Variants in DYNC2H1 observed in about 807,000 individuals in gnomAD.
DYNC2H1 encodes the protein dynein cytoplasmic 2 heavy chain 1.
In DYNC2H1, 410 loss-of-function variants were observed where a neutral mutation model predicts 570.0. The ratio of observed to expected loss-of-function variants is 0.72; its 90% CI spans 0.66 to 0.78. The LOEUF is 0.78. DYNC2H1 is among the 30% of genes least tolerant of loss of function. DYNC2H1 has a pLI of 0.00. For missense variants in DYNC2H1, 4,865 were observed against 5,046.4 expected, an observed-to-expected ratio of 0.96 and a Z score of 1.09; for synonymous variants, 1,688 against 1,677.6, an observed-to-expected ratio of 1.01 and a Z score of -0.15.
chr11:103,426,257 T>C (rs2075686175), intron 84 of DYNC2H1, among the ~76,000 whole-genome samples: 1 of 152,214 alleles, frequency 6.6e-6, no homozygotes, highest in Admixed American at 6.5e-5. Flanking sequence ...TGTCAGTAAA[T>C]ATGTGGGTAA....
Position 103,321,227 on chromosome 11 carries a change from G to T in DYNC2H1, c.11924G>T (p.Cys3975Phe). 6.2e-7 allele frequency: 1 copy of T among 1,606,080 alleles called. No individual in the cohort carries two copies. The highest frequency in any genetic ancestry group is 1.1e-5 in the South Asian group (1 of 89,774). Residue 3975 changes from cysteine to phenylalanine, a missense_variant, in exon 81 of 89, where the codon TGC (cysteine) becomes TTC (phenylalanine). Transcript: ENST00000375735. ...TATTCCGTATCTCTACCACAATCCT[G>T]CAGCATTTTGGTAGGTAAAATGAAT... is the stretch of plus-strand genomic sequence containing the variant. Reference protein sequence around the residue: ...FPYSVSLPQSCSILDYRAVIE... With the variant: ...FPYSVSLPQSFSILDYRAVIE...
chr11:103,263,823 C>T (rs1865407062), intron 70 of DYNC2H1, among the ~76,000 whole-genome samples: 1 of 151,976 alleles, frequency 6.6e-6, no homozygotes, highest in Non-Finnish European at 1.5e-5. Flanking sequence ...AGAGCAAACA[C>T]ATTCAAAAGC....
intron 70 of DYNC2H1, among the ~76,000 whole-genome samples, chr11:103,278,573 C>CT (rs566518354): frequency 3.3e-5 from 5 of 151,678 alleles, no homozygotes; most frequent in African/African-American, 7.2e-5. Context: ...GTTCTTTTTT[C>CT]TTTTTTTTGA....
Position 103,399,671 on chromosome 11 carries a change from C to T in DYNC2H1, c.12165C>T (p.Asn4055=), listed in dbSNP as rs1331490098. 6.2e-7 allele frequency: 1 copy of T among 1,610,478 alleles called. No homozygotes were observed. Among genetic ancestry groups the T allele is most frequent in the East Asian group, 2.2e-5 (1 of 44,786 alleles). ...NLWKKLNQNS[N]LIHQKVPPPN... Reference sequence around the variant, plus strand: ...TGACATTTTTCTTTTAGAATTCAAACCTAATACATCAGAAAGTGCCTCCTC... The same window carrying T: ...TGACATTTTTCTTTTAGAATTCAAATCTAATACATCAGAAAGTGCCTCCTC... Residue 4055 remains asparagine (N), a synonymous_variant, in exon 84 of 89, where the codon AAC becomes AAT. Coordinates refer to ENST00000375735, the MANE Select transcript of DYNC2H1 (RefSeq NM_001377.3).
rs183275516 is a variant in DYNC2H1, at chr11:103,269,462, G to A, written c.10695+9485G>A. Among the ~76,000 whole-genome samples the A allele has an allele frequency of 1.7e-3, 264 of 152,294 alleles. 1 individual carries two copies. Among genetic ancestry groups the A allele is most frequent in the Non-Finnish European group, 1.9e-3 (129 of 68,036 alleles). ...TTTCTCTCATGCTGAATTTGCTCTT[G>A]TGTTGGTGACAGCAGTATGGCAACA... On this transcript the variant is annotated intron_variant, in intron 70 of 88. Coordinates refer to ENST00000375735, the MANE Select transcript of DYNC2H1 (RefSeq NM_001377.3).
At position 103,199,136 on chromosome 11, in the gene DYNC2H1, C is replaced by A. The variant is rs1862616990; in HGVS notation, c.7840-92C>A. 3 of 917,690 alleles carry A rather than the reference C, an allele frequency of 3.3e-6. No homozygotes were observed. The East Asian group carries it at 8.5e-5, about 26-fold the overall frequency. The allele number at this position is 917,690 out of a possible 1,614,324, so 56.8% of individuals were successfully genotyped here. ...ACTTTACTTTTTTTCTTGAATGTAT[C>A]AAAAATATAATATTTTAACCTAGGT... On this transcript the variant is annotated intron_variant, in intron 48 of 88. Coordinates refer to ENST00000375735, the MANE Select transcript of DYNC2H1 (RefSeq NM_001377.3). This position sits in a 1 kb window ranked among gnomAD's most constrained non-coding sequence, Gnocchi z 4.6.
chr11:103,200,417 G>C (rs180840419), intron 50 of DYNC2H1, among the ~76,000 whole-genome samples: 1 of 152,012 alleles, frequency 6.6e-6, no homozygotes, highest in African/African-American at 2.4e-5. Flanking sequence ...TACTTTTGCT[G>C]GGTTATTATC....
intron 84 of DYNC2H1, among the ~76,000 whole-genome samples, chr11:103,429,154 G>A (rs1317390258): frequency 2.6e-5 from 4 of 151,914 alleles, no homozygotes; most frequent in East Asian, 1.9e-4. Flanking sequence ...CCAGCTACTC[G>A]GGAGACTGAG....
At chr11:103,246,205 A>T (rs1864610166) in intron 65 of DYNC2H1, among the ~76,000 whole-genome samples, 1 of 152,052 alleles carries the variant, frequency 6.6e-6, no homozygotes, top group African/African-American at 2.4e-5. Flanking sequence ...GAAGCTTGTA[A>T]TCAAGAAAGT....
chr11:103,290,029 T>C (rs572822255), intron 75 of DYNC2H1, among the ~76,000 whole-genome samples: 1 of 152,028 alleles, frequency 6.6e-6, no homozygotes, highest in Non-Finnish European at 1.5e-5. Flanking sequence ...GGAAGAGATA[T>C]GGATGTGTTC....
intron 83 of DYNC2H1, among the ~76,000 whole-genome samples, chr11:103,397,494 A>C (rs559360465): frequency 6.6e-6 from 1 of 152,226 alleles, no homozygotes. Context: ...TTGCTATTGC[A>C]TAAATATGCT....
chr11:103,308,104 C>T (rs1387574479), intron 78 of DYNC2H1, among the ~76,000 whole-genome samples: 1 of 146,200 alleles, frequency 6.8e-6, no homozygotes, highest in African/African-American at 2.5e-5. Context: ...GTGCAATATG[C>T]ACCTTGTTGT....
chr11:103,206,434 G>A (rs1007649720), intron 52 of DYNC2H1, among the ~76,000 whole-genome samples: 4 of 152,092 alleles, frequency 2.6e-5, no homozygotes, highest in Non-Finnish European at 5.9e-5. Context: ...AAAAAAATTT[G>A]AGGAATTATC....
intron 85 of DYNC2H1, among the ~76,000 whole-genome samples, chr11:103,440,433 T>C (rs1036095479): frequency 6.6e-6 from 1 of 152,172 alleles, no homozygotes; most frequent in African/African-American, 2.4e-5. Flanking sequence ...CTCAGTTTTT[T>C]TGCTGAACTC....
chr11:103,322,704 T>C lies in DYNC2H1; in HGVS notation c.11935-1182T>C, dbSNP rs574361727. ...TCTAGACAAGATTTCATAGCTATTT[T>C]GAAATAAGCAAAGTGTATAACTCTA... On this transcript the variant is annotated intron_variant, in intron 81 of 88. Coordinates refer to ENST00000375735, the MANE Select transcript of DYNC2H1 (RefSeq NM_001377.3). Among the ~76,000 whole-genome samples, 189 of 152,312 alleles carry C rather than the reference T, an allele frequency of 1.2e-3. 1 individual carries two copies. The highest frequency in any genetic ancestry group is 3.4e-3 in the Middle Eastern group (1 of 294).
intron 83 of DYNC2H1, among the ~76,000 whole-genome samples, chr11:103,392,301 G>T (rs1275960513): frequency 1.3e-5 from 2 of 152,366 alleles, no homozygotes; most frequent in Admixed American, 1.3e-4. Flanking sequence ...TCCAAGCCAG[G>T]TGCAGGATAC....
At chr11:103,262,086 GAAGA>G (rs1213020358) in intron 70 of DYNC2H1, among the ~76,000 whole-genome samples, 7 of 152,200 alleles carry the variant, frequency 4.6e-5, no homozygotes, top group African/African-American at 1.7e-4. Flanking sequence ...TGATTAAGCA[GAAGA>G]AAGAATATCA....
At chr11:103,142,724 T>C (rs1860019766) in intron 17 of DYNC2H1, among the ~76,000 whole-genome samples, 1 of 152,172 alleles carries the variant, frequency 6.6e-6, no homozygotes, top group African/African-American at 2.4e-5. Context: ...TTGTGTCAAT[T>C]TGAATTCTTC....
At chr11:103,135,972 C>A in intron 17 of DYNC2H1, 24 bp downstream of exon 17, 1 of 1,478,104 alleles carries the variant, frequency 6.8e-7, no homozygotes, top group Non-Finnish European at 9.1e-7. Context: ...AATGTTCCAT[C>A]CTTCCATCAT....
Sources: allele counts gnomAD v4.1 joint callset (sites outside exome capture counted in the v4.1 genomes callset), GRCh38; gene constraint gnomAD v4.1.1; non-coding constraint Gnocchi (gnomAD v3.1); transcripts MANE v1.5; gene names NCBI Gene and HGNC (gene_info 2026-07-23, HGNC 2026-07-21).